GRB10: variants seen among roughly 807,000 people sequenced by gnomAD.
GRB10 encodes the protein growth factor receptor bound protein 10.
In GRB10, 20 loss-of-function variants were observed where a neutral mutation model predicts 80.9. The observed-to-expected ratio is 0.25, with a 90% confidence interval of 0.17 to 0.36. GRB10 has a LOEUF of 0.36. GRB10 is among the 10% of genes least tolerant of loss of function. GRB10 has a pLI of 1.00. For synonymous variants in GRB10, 291 were observed against 291.5 expected, an observed-to-expected ratio of 1.00 and a Z score of 0.02; for missense variants, 548 against 747.7, an observed-to-expected ratio of 0.73 and a Z score of 3.12.
chr7:50,618,892 C>T (rs1205810224), intron 9 of GRB10, among the ~76,000 whole-genome samples: 2 of 152,154 alleles, frequency 1.3e-5, no homozygotes, highest in African/African-American at 4.8e-5. Flanking sequence ...CAGAAAACAC[C>T]CAGCCTCTCC....
At chr7:50,626,705 G>T in intron 8 of GRB10, 117 bp downstream of exon 8, 1 of 1,146,570 alleles carries the variant, frequency 8.7e-7, no homozygotes, top group Non-Finnish European at 1.3e-6. Context: ...CCCAGAGACT[G>T]CCTGCTAATT....
intron 4 of GRB10, among the ~76,000 whole-genome samples, chr7:50,710,515 A>T (rs983655844): frequency 1.3e-5 from 2 of 152,210 alleles, no homozygotes. Flanking sequence ...CCAGAGAACC[A>T]GGGTATGTTG....
At chr7:50,773,463 GAAGGCAGGGGAGGGGAAGGC>G (rs145515860) in intron 2 of GRB10, among the ~76,000 whole-genome samples, 2 of 10,716 alleles carry the variant, frequency 1.9e-4, no homozygotes, top group Non-Finnish European at 1.6e-4. Flanking sequence ...GAGGGGAGGG[GAAGGCAGGGGAGGGGAAGGC>G]AGGGGAGGGG....
At chr7:50,603,787 T>C (rs1353528553) in intron 17 of GRB10, among the ~76,000 whole-genome samples, 1 of 152,234 alleles carries the variant, frequency 6.6e-6, no homozygotes, top group Non-Finnish European at 1.5e-5. Flanking sequence ...AGATACACTC[T>C]GGGCAGACAT....
At chr7:50,644,843 A>T (rs2056907379) in intron 7 of GRB10, among the ~76,000 whole-genome samples, 1 of 152,224 alleles carries the variant, frequency 6.6e-6, no homozygotes, top group South Asian at 2.1e-4. Context: ...CAGACAGAAC[A>T]ATGACAGACA....
chr7:50,710,828 C>T, intron 4 of GRB10: 4 of 1,598,136 alleles, frequency 2.5e-6, no homozygotes, highest in Non-Finnish European at 3.4e-6. Context: ...AAAGGGCTTG[C>T]CCAGCAACTA....
Position 50,612,783 on chromosome 7 carries a change from C to T in GRB10, c.1152G>A (p.Glu384=). ...CTGTCATCCAGCACGTCCTGGTTTG[C>T]TCGTCCTCTGCACAGAGCAACCTCA... is the stretch of plus-strand genomic sequence containing the variant. ...KELRLLCAED[E]QTRTCWMTAF... is the part of the protein sequence containing the mutation. The change falls in exon 13 of 19, where the codon GAG becomes GAA. Residue 384 remains glutamate (E), a synonymous_variant. Transcript: ENST00000401949. 6.2e-7 allele frequency: 1 copy of T among 1,614,066 alleles called. No individual in the cohort carries two copies. Among genetic ancestry groups the T allele is most frequent in the Non-Finnish European group, 8.5e-7 (1 of 1,179,976 alleles).
chr7:50,786,280 T>C (rs1350534286), upstream of GRB10, among the ~76,000 whole-genome samples: 2 of 152,080 alleles, frequency 1.3e-5, no homozygotes, highest in African/African-American at 4.8e-5. Flanking sequence ...ACTGCCATCC[T>C]AGAAAGAGAG....
chr7:50,653,313 T>G (rs991674005), intron 7 of GRB10, among the ~76,000 whole-genome samples: 1 of 152,114 alleles, frequency 6.6e-6, no homozygotes, highest in African/African-American at 2.4e-5. Flanking sequence ...GCACCGCCCA[T>G]GAAGCCGGGA....
intron 7 of GRB10, among the ~76,000 whole-genome samples, chr7:50,657,494 C>T (rs2058763134): frequency 6.6e-6 from 1 of 152,058 alleles, no homozygotes; most frequent in African/African-American, 2.4e-5. Context: ...GAGGAATGTG[C>T]GCCGGTACAT....
intron 17 of GRB10, among the ~76,000 whole-genome samples, chr7:50,597,860 GAAC>G (rs1344801884): frequency 1.3e-5 from 2 of 152,170 alleles, no homozygotes; most frequent in Admixed American, 1.3e-4. Flanking sequence ...TGCAGAAGGG[GAAC>G]AACACCTCTT....
chr7:50,670,110 G>T (rs184937976), intron 6 of GRB10, among the ~76,000 whole-genome samples: 4 of 152,308 alleles, frequency 2.6e-5, no homozygotes, highest in Non-Finnish European at 5.9e-5. Flanking sequence ...CATGAAAAAG[G>T]AAGCACATTC....
intron 4 of GRB10, among the ~76,000 whole-genome samples, chr7:50,724,324 T>C (rs374030710): frequency 1.3e-5 from 2 of 152,230 alleles, no homozygotes; most frequent in East Asian, 3.8e-4. Flanking sequence ...ACAACTCACA[T>C]AGCAATGAAT....
chr7:50,690,172 T>C (rs2062629390), intron 5 of GRB10, among the ~76,000 whole-genome samples: 1 of 152,086 alleles, frequency 6.6e-6, no homozygotes, highest in Admixed American at 6.6e-5. Context: ...GGTGCATGCT[T>C]GTAGTCCCAG....
intron 10 of GRB10, among the ~76,000 whole-genome samples, chr7:50,616,992 C>T (rs2050769262): frequency 1.3e-5 from 2 of 152,206 alleles, no homozygotes; most frequent in Non-Finnish European, 2.9e-5. Context: ...GCTCTTTTCC[C>T]CCAGGTGGGA....
At chr7:50,765,195 G>A (rs1356516104) in intron 2 of GRB10, among the ~76,000 whole-genome samples, 1 of 152,128 alleles carries the variant, frequency 6.6e-6, no homozygotes, top group African/African-American at 2.4e-5. Context: ...TGTACCAAAG[G>A]GGACCCCCTA....
At chr7:50,747,933 T>C (rs1215156532) in intron 3 of GRB10, among the ~76,000 whole-genome samples, 1 of 151,886 alleles carries the variant, frequency 6.6e-6, no homozygotes, top group African/African-American at 2.4e-5. Flanking sequence ...GCAAGATGCA[T>C]GCACAGGTGG....
chr7:50,705,176 G>A, intron 4 of GRB10: 1 of 985,710 alleles, frequency 1.0e-6, no homozygotes, highest in African/African-American at 1.7e-5. Flanking sequence ...TCAACGCTGT[G>A]CTTCACGGAC....
chr7:50,714,536 G>C (rs567048993), intron 4 of GRB10, among the ~76,000 whole-genome samples: 1 of 151,936 alleles, frequency 6.6e-6, no homozygotes, highest in East Asian at 1.9e-4. Context: ...GGTGGCGGGC[G>C]CCTGTAGTCC....
Sources: allele counts gnomAD v4.1 joint callset (sites outside exome capture counted in the v4.1 genomes callset), GRCh38; gene constraint gnomAD v4.1.1; transcripts MANE v1.5; gene names NCBI Gene and HGNC (gene_info 2026-07-23, HGNC 2026-07-21).